BMPR2: variants seen among roughly 807,000 people sequenced by gnomAD.
BMPR2 encodes bone morphogenetic protein receptor type-2.
Under a neutral mutation model 100.8 loss-of-function variants are expected in BMPR2, and 29 were observed. The observed-to-expected ratio is 0.29, with a 90% CI of 0.21 to 0.39. BMPR2 has a LOEUF of 0.39. Among genes scored for constraint, BMPR2 ranks in the 10% least tolerant of loss-of-function variants. The pLI, the probability that BMPR2 is intolerant of heterozygous loss-of-function variation, is 1.00. For missense variants in BMPR2, 1,011 were observed against 1,274.5 expected, an observed-to-expected ratio of 0.79 and a Z score of 3.15; for synonymous variants, 382 against 442.3, an observed-to-expected ratio of 0.86 and a Z score of 1.71.
intron 1 of BMPR2, among the ~76,000 whole-genome samples, chr2:202,461,911 A>G (rs1158396395): frequency 6.6e-6 from 1 of 151,644 alleles, no homozygotes; most frequent in East Asian, 1.9e-4. Context: ...TTATCATTCA[A>G]TTTCTTTTTT....
chr2:202,467,771 G>A lies in BMPR2; in HGVS notation c.418+82G>A, dbSNP rs76651977. The A allele has an allele frequency of 5.3e-3, 7,792 of 1,457,392 alleles. 335 individuals carry two copies. In the African/African-American group the frequency reaches 0.09, roughly 17 times the overall value. The allele number at this position is 1,457,392 out of a possible 1,614,324, so 90.3% of individuals were successfully genotyped here. On this transcript the variant is annotated intron_variant, in intron 3 of 12. Transcript: ENST00000374580. ...ATAAAAAAACTTAAAAAACATTCAA[G>A]GTTGAAGCCAGGCGTGATGGCTCAT...
At chr2:202,410,547 A>G (rs2105916607) in intron 1 of BMPR2, among the ~76,000 whole-genome samples, 1 of 152,322 alleles carries the variant, frequency 6.6e-6, no homozygotes, top group East Asian at 1.9e-4. Flanking sequence ...GTCCATACTA[A>G]TATAAACAAG....
At chr2:202,540,595 G>C (rs1688251846) in intron 9 of BMPR2, among the ~76,000 whole-genome samples, 2 of 152,100 alleles carry the variant, frequency 1.3e-5, no homozygotes. Context: ...TTGGTGGAGG[G>C]CAAGTATTTA....
chr2:202,529,502 C>T (rs187549475), intron 7 of BMPR2, among the ~76,000 whole-genome samples: 4 of 152,212 alleles, frequency 2.6e-5, no homozygotes, highest in Admixed American at 2.6e-4. Flanking sequence ...TAAATATTAG[C>T]TCAAGATTGT....
chr2:202,448,293 C>A (rs1223093235), intron 1 of BMPR2, among the ~76,000 whole-genome samples: 7 of 149,464 alleles, frequency 4.7e-5, no homozygotes, highest in Non-Finnish European at 1.0e-4. Flanking sequence ...TCTACAAATA[C>A]AAAAAAAATT....
At chr2:202,427,546 A>C (rs1004494267) in intron 1 of BMPR2, among the ~76,000 whole-genome samples, 8 of 151,402 alleles carry the variant, frequency 5.3e-5, no homozygotes, top group African/African-American at 1.9e-4. Flanking sequence ...TTTCCTCTGA[A>C]CCTTAAAACT....
At chr2:202,469,412 T>C (rs185356925) in intron 3 of BMPR2, 133 of 211,632 alleles carry the variant, frequency 6.3e-4, no homozygotes, top group African/African-American at 3.0e-3. Context: ...TACCTAACAA[T>C]GGAAAGGAGA....
At chr2:202,445,445 T>A (rs1228867542) in intron 1 of BMPR2, among the ~76,000 whole-genome samples, 1 of 150,114 alleles carries the variant, frequency 6.7e-6, no homozygotes, top group East Asian at 1.9e-4. Context: ...CAAGCTGATC[T>A]CAAACTCCTG....
chr2:202,419,803 T>C (rs1309626830), intron 1 of BMPR2, among the ~76,000 whole-genome samples: 2 of 152,176 alleles, frequency 1.3e-5, no homozygotes, highest in Non-Finnish European at 2.9e-5. Flanking sequence ...CACTACTCTT[T>C]ACAATGCTTT....
At chr2:202,416,093 T>C (rs972205747) in intron 1 of BMPR2, among the ~76,000 whole-genome samples, 1 of 152,254 alleles carries the variant, frequency 6.6e-6, no homozygotes, top group African/African-American at 2.4e-5. Flanking sequence ...AACAGGAATT[T>C]GGAAGAAGTT....
chr2:202,551,862 AT>A (rs35621004), intron 10 of BMPR2, among the ~76,000 whole-genome samples: 15,457 of 130,326 alleles, frequency 0.12, 743 homozygotes, highest in Admixed American at 0.14. Flanking sequence ...ATGCTGGCTA[AT>A]TTTTTTTTTT....
intron 1 of BMPR2, among the ~76,000 whole-genome samples, chr2:202,425,727 T>C (rs1452174784): frequency 6.6e-6 from 1 of 152,178 alleles, no homozygotes; most frequent in East Asian, 1.9e-4. Context: ...AAAAAATCTT[T>C]ATGTGAAAAA....
At chr2:202,434,740 C>G (rs1691570459) in intron 1 of BMPR2, among the ~76,000 whole-genome samples, 1 of 148,140 alleles carries the variant, frequency 6.8e-6, no homozygotes, top group African/African-American at 2.6e-5. Context: ...CATCCTACCT[C>G]AGCCTCCCAA....
chr2:202,477,614 C>G (rs919217511), intron 3 of BMPR2, among the ~76,000 whole-genome samples: 1 of 151,982 alleles, frequency 6.6e-6, no homozygotes, highest in Admixed American at 6.6e-5. Flanking sequence ...ATGATGAAAC[C>G]CACCTCTACT....
At chr2:202,405,047 T>C (rs1249521831) in intron 1 of BMPR2, among the ~76,000 whole-genome samples, 1 of 152,142 alleles carries the variant, frequency 6.6e-6, no homozygotes, top group Non-Finnish European at 1.5e-5. Context: ...GGTATCAAAC[T>C]TCTGGACTCA....
At chr2:202,412,816 C>T (rs746048068) in intron 1 of BMPR2, among the ~76,000 whole-genome samples, 2 of 151,826 alleles carry the variant, frequency 1.3e-5, no homozygotes, top group African/African-American at 2.4e-5. Flanking sequence ...TATGTTTATA[C>T]CTATGGTCTT....
At chr2:202,443,493 GTCTC>G (rs1037027246) in intron 1 of BMPR2, among the ~76,000 whole-genome samples, 4 of 149,972 alleles carry the variant, frequency 2.7e-5, no homozygotes, top group Non-Finnish European at 5.9e-5. Context: ...TTCTGCCTCT[GTCTC>G]TCTTTCTCTC....
intron 1 of BMPR2, among the ~76,000 whole-genome samples, chr2:202,457,519 GAT>G: frequency 6.9e-6 from 1 of 145,418 alleles, no homozygotes; most frequent in East Asian, 2.0e-4. Context: ...ATAATATAAA[GAT>G]ATATTATTTT....
chr2:202,534,183 T>C (rs570005204), intron 9 of BMPR2, among the ~76,000 whole-genome samples: 16 of 148,254 alleles, frequency 1.1e-4, no homozygotes, highest in East Asian at 3.9e-4. Flanking sequence ...TATATATATA[T>C]ACACACACAC....
Sources: allele counts gnomAD v4.1 joint callset (sites outside exome capture counted in the v4.1 genomes callset), GRCh38; gene constraint gnomAD v4.1.1; transcripts MANE v1.5; gene names NCBI Gene and HGNC (gene_info 2026-07-23, HGNC 2026-07-21).